PTPRN2: variants seen among roughly 807,000 people sequenced by gnomAD.
PTPRN2 encodes the protein receptor-type tyrosine-protein phosphatase N2.
A neutral mutation model predicts 118.8 loss-of-function variants in PTPRN2; 74 were observed. The observed-to-expected ratio is 0.62, with a 90% CI of 0.52 to 0.76. PTPRN2 has a LOEUF of 0.76. Ranked by LOEUF, PTPRN2 falls within the 30% of genes least tolerant of loss-of-function variation. PTPRN2 has a pLI of 0.00. For synonymous variants in PTPRN2, 641 were observed against 608.0 expected (o/e 1.05, Z -0.80); for missense variants, 1,481 against 1,394.4 (o/e 1.06, Z -0.99).
chr7:158,407,198 T>C (rs576100237), intron 2 of PTPRN2, among the ~76,000 whole-genome samples: 8,202 of 28,804 alleles, frequency 0.28, 496 homozygotes, highest in East Asian at 0.45. Context: ...TCCTGGGTCC[T>C]GGGTCCTGGG....
chr7:158,410,279 G>A (rs12671981), intron 2 of PTPRN2, among the ~76,000 whole-genome samples: 66,643 of 152,036 alleles, frequency 0.44, 15,771 homozygotes, highest in East Asian at 0.75. Flanking sequence ...AACCTAACAC[G>A]ACACTCAGGA....
chr7:158,383,926 C>T (rs1453097), intron 2 of PTPRN2, among the ~76,000 whole-genome samples: 134,657 of 152,254 alleles, frequency 0.88, 60,931 homozygotes, highest in Non-Finnish European at 0.97. Context: ...CTCCGGAAAG[C>T]GTGATCACAC....
At chr7:158,129,516 CACCACACAT>C (rs1817999262) in intron 9 of PTPRN2, among the ~76,000 whole-genome samples, 2 of 151,576 alleles carry the variant, frequency 1.3e-5, no homozygotes, top group South Asian at 4.2e-4. Flanking sequence ...ACATACTACA[CACCACACAT>C]ACAACACACA....
chr7:158,119,892 G>A (rs747437285), intron 9 of PTPRN2, among the ~76,000 whole-genome samples: 2 of 152,140 alleles, frequency 1.3e-5, no homozygotes, highest in Non-Finnish European at 2.9e-5. Flanking sequence ...TCAAAGAGAT[G>A]TTAGTGCCTC....
intron 1 of PTPRN2, among the ~76,000 whole-genome samples, chr7:158,504,186 C>T (rs1235567462): frequency 2.0e-5 from 3 of 152,134 alleles, no homozygotes; most frequent in Non-Finnish European, 4.4e-5. Flanking sequence ...ACTGTACACA[C>T]ACCTTTAATT....
intron 12 of PTPRN2, among the ~76,000 whole-genome samples, chr7:157,888,955 G>C (rs1299944454): frequency 6.6e-6 from 1 of 152,168 alleles, no homozygotes; most frequent in Non-Finnish European, 1.5e-5. Context: ...TAATTACCCA[G>C]ACGTAACCAC....
intron 11 of PTPRN2, among the ~76,000 whole-genome samples, chr7:158,075,798 G>A (rs944928027): frequency 6.6e-6 from 1 of 152,218 alleles, no homozygotes; most frequent in Non-Finnish European, 1.5e-5. Flanking sequence ...CTGCGGAGCA[G>A]CAGGATGAGC....
At chr7:157,745,116 C>T (rs189643403) in intron 12 of PTPRN2, among the ~76,000 whole-genome samples, 5 of 152,234 alleles carry the variant, frequency 3.3e-5, no homozygotes, top group Admixed American at 2.6e-4. Flanking sequence ...ATTTATAGAC[C>T]GAGACAGCTC....
In PTPRN2 at chr7:157,621,423, G is replaced by A. The variant is rs1022801050; in HGVS notation, c.2283C>T (p.Ser761=). 7 of 1,613,848 alleles carry A rather than the reference G, an allele frequency of 4.3e-6. No homozygotes were observed. The highest frequency in any genetic ancestry group is 1.7e-5 in the Admixed American group (1 of 59,998). Reference sequence around the variant, plus strand: ...TCTCCTCCCTCTGGGCCACGAACGAGCTGTTGGGCTCCGCCTGGTAGGCGC... The same window carrying A: ...TCTCCTCCCTCTGGGCCACGAACGAACTGTTGGGCTCCGCCTGGTAGGCGC... ...ALCAYQAEPN[S]SFVAQREENV... is the part of the protein sequence containing the mutation. Residue 761 remains serine (S), a synonymous_variant, in exon 15 of 23, where the codon AGC becomes AGT. Transcript: ENST00000389418.
chr7:157,569,096 AG>A (rs1452052417), intron 20 of PTPRN2, 130 bp from the exon 21 acceptor site: 5 of 874,074 alleles, frequency 5.7e-6, no homozygotes, highest in East Asian at 2.5e-5. Flanking sequence ...CGGATGTGAG[AG>A]GGGGAGGAAG....
At chr7:158,195,710 T>C (rs946516226) in intron 4 of PTPRN2, among the ~76,000 whole-genome samples, 4 of 152,142 alleles carry the variant, frequency 2.6e-5, no homozygotes, top group Admixed American at 6.5e-5. Flanking sequence ...CCACAGTGTC[T>C]AATCTGCTAT....
At chr7:158,190,735 C>G (rs1156644662) in intron 5 of PTPRN2, among the ~76,000 whole-genome samples, 1 of 152,268 alleles carries the variant, frequency 6.6e-6, no homozygotes, top group Non-Finnish European at 1.5e-5. Context: ...CCTGAGCAGC[C>G]TCTCAACTGT....
At chr7:158,157,063 C>A (rs1433095911) in intron 6 of PTPRN2, among the ~76,000 whole-genome samples, 1 of 151,346 alleles carries the variant, frequency 6.6e-6, no homozygotes, top group African/African-American at 2.4e-5. Context: ...CGGACAGCAC[C>A]CCCGTTCCAT....
In PTPRN2 at chr7:158,372,207, C is replaced by T. The variant is rs113492267; in HGVS notation, c.164-55275G>A. ...GAGCTGGACCCCCAACGCTGGTCCC[C>T]GGAGCTGGACACCCCCAGGCTGGAC... On this transcript the variant is annotated intron_variant, in intron 2 of 22. Coordinates refer to ENST00000389418, the MANE Select transcript of PTPRN2 (RefSeq NM_002847.5). Among the ~76,000 whole-genome samples the T allele has an allele frequency of 7.2e-4, 107 of 148,484 alleles. 1 individual carries two copies. Among genetic ancestry groups the T allele is most frequent in the South Asian group, 2.0e-3 (9 of 4,588 alleles).
chr7:158,140,310 CTT>C (rs2150465818), intron 6 of PTPRN2, among the ~76,000 whole-genome samples: 1 of 152,304 alleles, frequency 6.6e-6, no homozygotes, highest in Admixed American at 6.5e-5. Context: ...AAAGGAAAGT[CTT>C]TTCCAAAAGG....
chr7:157,710,788 G>C (rs28513358), intron 12 of PTPRN2, among the ~76,000 whole-genome samples: 1 of 119,316 alleles, frequency 8.4e-6, no homozygotes, highest in Non-Finnish European at 2.0e-5. Flanking sequence ...CGGGGCAGCC[G>C]GGTTACACGC....
chr7:158,215,309 T>A (rs1377599972), intron 3 of PTPRN2, among the ~76,000 whole-genome samples: 1 of 152,142 alleles, frequency 6.6e-6, no homozygotes, highest in Non-Finnish European at 1.5e-5. Flanking sequence ...TAGGAATTAC[T>A]CAATGTCAAC....
At chr7:157,826,873 C>T (rs1438891205) in intron 12 of PTPRN2, among the ~76,000 whole-genome samples, 7 of 152,224 alleles carry the variant, frequency 4.6e-5, no homozygotes, top group South Asian at 4.2e-4. Context: ...ATATATCCTG[C>T]GCACGGGGCA....
At chr7:157,544,757 G>A (rs1490030822) in intron 22 of PTPRN2, among the ~76,000 whole-genome samples, 1 of 152,242 alleles carries the variant, frequency 6.6e-6, no homozygotes, top group Non-Finnish European at 1.5e-5. Flanking sequence ...ACAGAGGCAT[G>A]GACGGGAGAG....
Sources: gnomAD v4.1 joint callset for allele counts (sites outside exome capture counted in the v4.1 genomes callset) on GRCh38, gnomAD v4.1.1 for gene constraint, MANE v1.5 for transcripts, NCBI Gene and HGNC (gene_info 2026-07-23, HGNC 2026-07-21) for gene names.